Variants in DMRTA2 observed in about 807,000 individuals in gnomAD.
DMRTA2 encodes the protein doublesex- and mab-3-related transcription factor A2.
A neutral mutation model predicts 29.7 loss-of-function variants in DMRTA2; 10 were observed. The observed-to-expected ratio is 0.34, with a 90% CI of 0.21 to 0.57. DMRTA2 has a LOEUF of 0.57. DMRTA2 is among the 20% of genes least tolerant of loss of function. The pLI is 0.87. For missense variants in DMRTA2, 783 were observed against 812.1 expected (o/e 0.96, Z 0.44); for synonymous variants, 469 against 402.6 (o/e 1.16, Z -1.97).
At position 50,421,790 on chromosome 1, in the gene DMRTA2, C is replaced by A. The variant is rs1056734278; in HGVS notation, c.-8-246G>T. ...ATACACGCTAGGGGTAAGATTTTGT[C>A]TGAATTAGTGATTCCGCTGGAAAAA... On this transcript the variant is annotated intron_variant, in intron 1 of 2. Coordinates refer to ENST00000404795, the MANE Select transcript of DMRTA2 (RefSeq NM_032110.3). This position sits in a 1 kb window ranked among gnomAD's most constrained non-coding sequence, Gnocchi z 8.7. 1.3e-5 allele frequency among the ~76,000 whole-genome samples: 2 copies of A among 152,208 alleles called. No individual in the cohort carries two copies. The highest frequency in any genetic ancestry group is 4.8e-5 in the African/African-American group (2 of 41,450).
chr1:50,421,419 C>T lies in DMRTA2; in HGVS notation c.118G>A (p.Ala40Thr), dbSNP rs972214109. Reference protein sequence around the residue: ...ASVAAAAAAAASLPVSVAGGL... With the variant: ...ASVAAAAAAATSLPVSVAGGL... ...CCTGCCACGCTCACCGGTAGCGATG[C>T]AGCGGCCGCCGCGGCTGCCGCCACC... is the stretch of plus-strand genomic sequence containing the variant. The change falls in exon 2 of 3, where the codon GCA becomes ACA. Residue 40 changes from alanine (A) to threonine (T), a missense_variant. This residue lies in a region of DMRTA2 where 76 missense variants were observed against 152.6 expected (regional missense o/e 0.50). Transcript: ENST00000404795. The surrounding 1 kb of genome is among the most constrained non-coding windows in gnomAD (Gnocchi z 8.7). The T allele has an allele frequency of 1.5e-6, 2 of 1,371,404 alleles. No individual in the cohort carries two copies. The highest frequency in any genetic ancestry group is 3.5e-5 in the South Asian group (2 of 57,960). 85.0% of individuals were successfully genotyped at this position (1,371,404 alleles called of 1,614,324 possible).
chr1:50,422,110 G>C lies in DMRTA2; in HGVS notation c.-8-566C>G, dbSNP rs1646043084. Among the ~76,000 whole-genome samples, 1 of 151,138 alleles carries C rather than the reference G, an allele frequency of 6.6e-6. No homozygotes were observed. Among genetic ancestry groups the C allele is most frequent in the Non-Finnish European group, 1.5e-5 (1 of 67,192 alleles). On this transcript the variant is annotated intron_variant, in intron 1 of 2. Transcript: ENST00000404795. This position sits in a 1 kb window ranked among gnomAD's most constrained non-coding sequence, Gnocchi z 5.7. ...TTGGGCCGGAGTTTTGTTTCTTTTT[G>C]TTTGTTTATTTTTAATGCAGTTTGG...
Position 50,418,116 on chromosome 1 carries a change from C to A in DMRTA2, c.*549G>T, listed in dbSNP as rs1645999940. 6.9e-6 allele frequency: 1 copy of A among 145,500 alleles called. No individual in the cohort carries two copies. Among genetic ancestry groups the A allele is most frequent in the Non-Finnish European group, 1.5e-5 (1 of 66,816 alleles). 9.0% of individuals were successfully genotyped at this position (145,500 alleles called of 1,614,324 possible). On this transcript the variant is annotated 3_prime_UTR_variant, in exon 3 of 3. Transcript: ENST00000404795. ...CAAATACCGCAACGAGGAAAGTGCA[C>A]CTTAAAACTTGTTTCCTTTTTTTTT... is the stretch of plus-strand genomic sequence containing the variant.
Position 50,418,426 on chromosome 1 carries a change from A to C in DMRTA2, c.*239T>G. On this transcript the variant is annotated 3_prime_UTR_variant, in exon 3 of 3. Transcript: ENST00000404795. Reference sequence around the variant, plus strand: ...GAGGCTGGAAGAGGGATCCGGAGGTAGGAGATGAGGACCCAGGCCGCGCAC... The same window carrying C: ...GAGGCTGGAAGAGGGATCCGGAGGTCGGAGATGAGGACCCAGGCCGCGCAC... 2.7e-6 allele frequency: 1 copy of C among 370,302 alleles called. No homozygotes were observed. Among genetic ancestry groups the C allele is most frequent in the Non-Finnish European group, 4.8e-6 (1 of 208,706 alleles). The allele number at this position is 370,302 out of a possible 1,614,324, so 22.9% of individuals were successfully genotyped here. A position where few individuals can be genotyped will look rare whatever the true frequency, so the allele number is the denominator to read the frequency against.
In DMRTA2 at chr1:50,421,672, G is replaced by A. The variant is rs1395014924; in HGVS notation, c.-8-128C>T. 8 of 1,108,238 alleles carry A rather than the reference G, an allele frequency of 7.2e-6. No individual in the cohort carries two copies. The highest frequency in any genetic ancestry group is 1.6e-5 in the African/African-American group (1 of 60,946). 68.7% of individuals were successfully genotyped at this position (1,108,238 alleles called of 1,614,324 possible). A position where few individuals can be genotyped will look rare whatever the true frequency, so the allele number is the denominator to read the frequency against. On this transcript the variant is annotated intron_variant, in intron 1 of 2. Transcript: ENST00000404795. This position sits in a 1 kb window ranked among gnomAD's most constrained non-coding sequence, Gnocchi z 8.7. ...TGGGCCGCGGAGGCTGGGCTAGAGG[G>A]GCCAGAATTGCTGGGAGGAGGTGCA...
Position 50,421,500 on chromosome 1 carries a change from C to A in DMRTA2, c.37G>T (p.Ala13Ser). The change falls in exon 2 of 3, where the codon GCG (alanine) becomes TCG (serine). Residue 13 changes from alanine to serine, a missense_variant. Physicochemically the swap from Ala to Ser is moderately conservative, Grantham distance 99. Coordinates refer to ENST00000404795, the MANE Select transcript of DMRTA2 (RefSeq NM_032110.3). The surrounding 1 kb of genome is among the most constrained non-coding windows in gnomAD (Gnocchi z 8.7). ...LRSELPSVPG[A>S]ATAAAATATG... ...GCTGTTGCCGCCGCCGCCGTCGCCG[C>A]GCCGGGCACGCTGGGCAGCTCCGAG... The A allele has an allele frequency of 7.9e-7, 1 of 1,271,958 alleles. No homozygotes were observed. Among genetic ancestry groups the A allele is most frequent in the South Asian group, 3.2e-5 (1 of 31,478 alleles). 78.8% of individuals were successfully genotyped at this position (1,271,958 alleles called of 1,614,324 possible). A position where few individuals can be genotyped will look rare whatever the true frequency, so the allele number is the denominator to read the frequency against.
chr1:50,421,694 TGCAG>T lies in DMRTA2; in HGVS notation c.-8-154_-8-151del. On this transcript the variant is annotated intron_variant, in intron 1 of 2. Coordinates refer to ENST00000404795, the MANE Select transcript of DMRTA2 (RefSeq NM_032110.3). This position sits in a 1 kb window ranked among gnomAD's most constrained non-coding sequence, Gnocchi z 8.7. Reference sequence around the variant, plus strand: ...AGGGGCCAGAATTGCTGGGAGGAGGTGCAGTCGGAACCTCCTTGTGAGCCCTAGC... The same window carrying T: ...AGGGGCCAGAATTGCTGGGAGGAGGTTCGGAACCTCCTTGTGAGCCCTAGC... The T allele has an allele frequency of 4.2e-6, 4 of 955,966 alleles. No individual in the cohort carries two copies. The highest frequency in any genetic ancestry group is 5.4e-6 in the Non-Finnish European group (4 of 746,414). The allele number at this position is 955,966 out of a possible 1,614,324, so 59.2% of individuals were successfully genotyped here.
Position 50,419,385 on chromosome 1 carries a change from T to G in DMRTA2, c.909A>C (p.Pro303=), listed in dbSNP as rs528262614. 496 of 1,596,858 alleles carry G rather than the reference T, an allele frequency of 3.1e-4. 1 individual carries two copies. In the South Asian group the frequency reaches 3.6e-3, roughly 12 times the overall value. The change falls in exon 3 of 3, where the codon CCA becomes CCC. Residue 303 remains proline (P), a synonymous_variant. Coordinates refer to ENST00000404795, the MANE Select transcript of DMRTA2 (RefSeq NM_032110.3). The surrounding 1 kb of genome is among the most constrained non-coding windows in gnomAD (Gnocchi z 6.1). ...DKEEGEAAPA[P]GLGGGSGPRQ... ...GTGGACCCGAGCCTCCGCCCAGCCC[T>G]GGCGCCGGCGCGGCCTCACCCTCTT...
In DMRTA2 at chr1:50,421,783, A is replaced by AT. The variant is rs1390626042; in HGVS notation, c.-8-240dup. ...ACCTGATATACACGCTAGGGGTAAG[A>AT]TTTTGTCTGAATTAGTGATTCCGCT... is the stretch of plus-strand genomic sequence containing the variant. On this transcript the variant is annotated intron_variant, in intron 1 of 2. Transcript: ENST00000404795. The surrounding 1 kb of genome is among the most constrained non-coding windows in gnomAD (Gnocchi z 8.7). 1.3e-5 allele frequency among the ~76,000 whole-genome samples: 2 copies of AT among 152,174 alleles called. No individual in the cohort carries two copies. Among genetic ancestry groups the AT allele is most frequent in the Non-Finnish European group, 2.9e-5 (2 of 68,036 alleles).
Position 50,418,534 on chromosome 1 carries a change from A to G in DMRTA2, c.*131T>C. On this transcript the variant is annotated 3_prime_UTR_variant, in exon 3 of 3. Transcript: ENST00000404795. The stretch of plus-strand genomic sequence containing the variant: ...CACCCACCCTCCTAAACAAAACCCA[A>G]AAACCACCTTAGAGTGAGAAGACGC... 1.3e-6 allele frequency: 1 copy of G among 793,212 alleles called. No individual in the cohort carries two copies. Among genetic ancestry groups the G allele is most frequent in the Non-Finnish European group, 1.7e-6 (1 of 579,972 alleles). 49.1% of individuals were successfully genotyped at this position (793,212 alleles called of 1,614,324 possible).
At position 50,419,189 on chromosome 1, in the gene DMRTA2, C is replaced by T; in HGVS notation, c.1105G>A (p.Asp369Asn). The T allele has an allele frequency of 7.6e-7, 1 of 1,320,644 alleles. No homozygotes were observed. 81.8% of individuals were successfully genotyped at this position (1,320,644 alleles called of 1,614,324 possible). ...AAGLGPAAPP[D>N]KAAVGAAAAA... Reference sequence around the variant, plus strand: ...GCTGCAGCACCCACGGCGGCCTTATCTGGGGGCGCCGCAGGGCCCAGGCCG... The same window carrying T: ...GCTGCAGCACCCACGGCGGCCTTATTTGGGGGCGCCGCAGGGCCCAGGCCG... The change falls in exon 3 of 3, where the codon GAT (aspartate) becomes AAT (asparagine). Residue 369 changes from aspartate (D) to asparagine (N), a missense_variant. Physicochemically the swap from Asp to Asn is conservative, Grantham distance 23 (BLOSUM62 1). Around this residue, in one of 3 missense-constraint regions of DMRTA2, gnomAD observed 667 missense variants for 624.8 expected, o/e 1.07. Transcript: ENST00000404795. The surrounding 1 kb of genome is among the most constrained non-coding windows in gnomAD (Gnocchi z 6.1).
rs1646047785 is a variant in DMRTA2, at chr1:50,422,732, GCTCCTGC to G, written c.-9+377_-9+383del. 6.6e-6 allele frequency among the ~76,000 whole-genome samples: 1 copy of G among 152,194 alleles called. No homozygotes were observed. Among genetic ancestry groups the G allele is most frequent in the Non-Finnish European group, 1.5e-5 (1 of 68,026 alleles). ...CCCAGGGGACCCCTCTCGAGCGCAG[GCTCCTGC>G]GTTCTGATCTCAGAGTTGGGGTCCT... On this transcript the variant is annotated intron_variant, in intron 1 of 2. Coordinates refer to ENST00000404795, the MANE Select transcript of DMRTA2 (RefSeq NM_032110.3). The surrounding 1 kb of genome is among the most constrained non-coding windows in gnomAD (Gnocchi z 5.7).
Position 50,420,870 on chromosome 1 carries a change from G to T in DMRTA2, c.559+108C>A. 7.4e-7 allele frequency: 1 copy of T among 1,360,412 alleles called. No homozygotes were observed. Among genetic ancestry groups the T allele is most frequent in the Non-Finnish European group, 9.4e-7 (1 of 1,061,490 alleles). 84.3% of individuals were successfully genotyped at this position (1,360,412 alleles called of 1,614,324 possible). A position where few individuals can be genotyped will look rare whatever the true frequency, so the allele number is the denominator to read the frequency against. The stretch of plus-strand genomic sequence containing the variant: ...AGCGGTGAACCCTAGCAGTCGCGGC[G>T]ACTGGACACGGGGGTTCTACTCTTT... On this transcript the variant is annotated intron_variant, in intron 2 of 2. Coordinates refer to ENST00000404795, the MANE Select transcript of DMRTA2 (RefSeq NM_032110.3). The surrounding 1 kb of genome is among the most constrained non-coding windows in gnomAD (Gnocchi z 4.1).
Position 50,419,174 on chromosome 1 carries a change from C to G in DMRTA2, c.1120G>C (p.Gly374Arg), listed in dbSNP as rs547599976. 4.3e-5 allele frequency: 58 copies of G among 1,333,960 alleles called. 1 individual carries two copies. In the South Asian group the frequency reaches 1.1e-3, roughly 26 times the overall value. 82.6% of individuals were successfully genotyped at this position (1,333,960 alleles called of 1,614,324 possible). The stretch of plus-strand genomic sequence containing the variant: ...GCGTCGTCTGCAGCTGCTGCAGCAC[C>G]CACGGCGGCCTTATCTGGGGGCGCC... Reference protein sequence around the residue: ...PAAPPDKAAVGAAAAADDAWP... With the variant: ...PAAPPDKAAVRAAAAADDAWP... The change falls in exon 3 of 3, where the codon GGT (glycine) becomes CGT (arginine). Residue 374 changes from glycine to arginine, a missense_variant. Physicochemically the swap from Gly to Arg is moderately radical, Grantham distance 125. Transcript: ENST00000404795. This position sits in a 1 kb window ranked among gnomAD's most constrained non-coding sequence, Gnocchi z 6.1.
In DMRTA2 at chr1:50,417,824, T is replaced by G. The variant is rs1645996454; in HGVS notation, c.*841A>C. 6.6e-6 allele frequency: 1 copy of G among 152,244 alleles called. No individual in the cohort carries two copies. Among genetic ancestry groups the G allele is most frequent in the Admixed American group, 6.5e-5 (1 of 15,290 alleles). The allele number at this position is 152,244 out of a possible 1,614,324, so 9.4% of individuals were successfully genotyped here. A position where few individuals can be genotyped will look rare whatever the true frequency, so the allele number is the denominator to read the frequency against. On this transcript the variant is annotated 3_prime_UTR_variant, in exon 3 of 3. Coordinates refer to ENST00000404795, the MANE Select transcript of DMRTA2 (RefSeq NM_032110.3). The stretch of plus-strand genomic sequence containing the variant: ...CAGGATTCATCCCGAGTTTCCAATA[T>G]ATTTAATCTCTAAACCTGATAAGTA...
chr1:50,420,578 G>C lies in DMRTA2; in HGVS notation c.559+400C>G, dbSNP rs190630050. Among the ~76,000 whole-genome samples the C allele has an allele frequency of 2.2e-4, 33 of 151,938 alleles. No individual in the cohort carries two copies. Among genetic ancestry groups the C allele is most frequent in the African/African-American group, 8.0e-4 (33 of 41,428 alleles). On this transcript the variant is annotated intron_variant, in intron 2 of 2. Coordinates refer to ENST00000404795, the MANE Select transcript of DMRTA2 (RefSeq NM_032110.3). This position sits in a 1 kb window ranked among gnomAD's most constrained non-coding sequence, Gnocchi z 4.1. ...TCAAAACCTAGGGTGTCAGTTAAAG[G>C]GGGGGGGATTCCTTAAGGGAGTTGG...
At position 50,420,952 on chromosome 1, in the gene DMRTA2, T is replaced by C. The variant is rs1185447059; in HGVS notation, c.559+26A>G. On this transcript the variant is annotated intron_variant, in intron 2 of 2. Coordinates refer to ENST00000404795, the MANE Select transcript of DMRTA2 (RefSeq NM_032110.3). This position sits in a 1 kb window ranked among gnomAD's most constrained non-coding sequence, Gnocchi z 4.1. ...CCCAGAGCTACGATCCTGCTGCCCC[T>C]ACCTGCGGCCTGGCCGCGCTCTCAC... The C allele has an allele frequency of 1.4e-6, 2 of 1,431,224 alleles. No homozygotes were observed. Among genetic ancestry groups the C allele is most frequent in the African/African-American group, 1.5e-5 (1 of 66,274 alleles). 88.7% of individuals were successfully genotyped at this position (1,431,224 alleles called of 1,614,324 possible). A position where few individuals can be genotyped will look rare whatever the true frequency, so the allele number is the denominator to read the frequency against.
At position 50,423,333 on chromosome 1, in the gene DMRTA2, G is replaced by C. The variant is rs555015141; in HGVS notation, c.-226C>G. The C allele has an allele frequency of 1.9e-4, 29 of 152,320 alleles. No homozygotes were observed. Among genetic ancestry groups the C allele is most frequent in the African/African-American group, 6.5e-4 (27 of 41,588 alleles). 9.4% of individuals were successfully genotyped at this position (152,320 alleles called of 1,614,324 possible). A position where few individuals can be genotyped will look rare whatever the true frequency, so the allele number is the denominator to read the frequency against. ...CGGGTCGGAGGCTCGTCTGCGGGCC[G>C]CGTGGTTGGAACCCGCGACCTGACT... On this transcript the variant is annotated 5_prime_UTR_variant, in exon 1 of 3. Coordinates refer to ENST00000404795, the MANE Select transcript of DMRTA2 (RefSeq NM_032110.3).
Position 50,417,949 on chromosome 1 carries a change from A to T in DMRTA2, c.*716T>A, listed in dbSNP as rs1258493867. ...CCGAGGTCACCTACAGATTACAATT[A>T]ATAACTTAGAATTCCATTTTATAAC... On this transcript the variant is annotated 3_prime_UTR_variant, in exon 3 of 3. Coordinates refer to ENST00000404795, the MANE Select transcript of DMRTA2 (RefSeq NM_032110.3). 1.3e-5 allele frequency: 2 copies of T among 152,102 alleles called. No individual in the cohort carries two copies. The highest frequency in any genetic ancestry group is 2.9e-5 in the Non-Finnish European group (2 of 68,028). The allele number at this position is 152,102 out of a possible 1,614,324, so 9.4% of individuals were successfully genotyped here.
Sources: gnomAD v4.1 joint callset for allele counts (sites outside exome capture counted in the v4.1 genomes callset) on GRCh38, gnomAD v4.1.1 for gene constraint, gnomAD v4.1.1 regional missense constraint, Gnocchi (gnomAD v3.1) non-coding constraint, MANE v1.5 for transcripts, NCBI Gene and HGNC (gene_info 2026-07-23, HGNC 2026-07-21) for gene names.